ANO2: variants seen among roughly 807,000 people sequenced by gnomAD.
The protein encoded by ANO2 is anoctamin 2.
A neutral mutation model predicts 124.2 loss-of-function variants in ANO2; 101 were observed. The ratio of observed to expected loss-of-function variants is 0.81; its 90% CI spans 0.69 to 0.96. The LOEUF (loss-of-function observed/expected upper bound fraction) is 0.96, where lower values mean the gene tolerates loss of function less well. Ranked by LOEUF, ANO2 falls within the 40% of genes least tolerant of loss-of-function variation. The probability of loss-of-function intolerance (pLI) is 0.00; values close to 1 mark genes in which losing one functional copy is unlikely to be tolerated. For missense variants in ANO2, 1,293 were observed against 1,274.5 expected (o/e 1.01, Z -0.22); for synonymous variants, 486 against 482.5 (o/e 1.01, Z -0.09).
chr12:5,840,737 G>A (rs1038336854), intron 4 of ANO2, among the ~76,000 whole-genome samples: 1 of 152,200 alleles, frequency 6.6e-6, no homozygotes, highest in African/African-American at 2.4e-5. Context: ...AGAACAGAAC[G>A]TGTGCTGCAG....
intron 1 of ANO2, among the ~76,000 whole-genome samples, chr12:5,929,093 T>C (rs1435704088): frequency 1.4e-5 from 1 of 71,686 alleles, no homozygotes; most frequent in Non-Finnish European, 2.7e-5. Flanking sequence ...TTCTTACCAG[T>C]CTTCCTTCCT....
At chr12:5,719,208 C>A (rs746006832) in intron 14 of ANO2, among the ~76,000 whole-genome samples, 6 of 152,314 alleles carry the variant, frequency 3.9e-5, no homozygotes, top group Non-Finnish European at 8.8e-5. Flanking sequence ...GCCTTCACTT[C>A]TTTGCCTAAA....
At chr12:5,609,930 AAT>A (rs1322612518) in intron 19 of ANO2, among the ~76,000 whole-genome samples, 1 of 145,404 alleles carries the variant, frequency 6.9e-6, no homozygotes, top group East Asian at 2.0e-4. Flanking sequence ...ATCTATATGA[AAT>A]ATAGATATAT....
rs1457227570 is a variant in ANO2, at chr12:5,922,653, C to A, written c.174G>T (p.Gln58His). The A allele has an allele frequency of 3.3e-6, 5 of 1,531,818 alleles. No homozygotes were observed. Among genetic ancestry groups the A allele is most frequent in the Non-Finnish European group, 4.4e-6 (5 of 1,140,698 alleles). The allele number at this position is 1,531,818 out of a possible 1,614,324, so 94.9% of individuals were successfully genotyped here. A position where few individuals can be genotyped will look rare whatever the true frequency, so the allele number is the denominator to read the frequency against. The stretch of plus-strand genomic sequence containing the variant: ...TGCGGGTGCTCTCTCCACCGCAGGG[C>A]TGGCCAGGATCTCTGTTGGAACCGC... ...LQGGSNRDPG[Q>H]PCGGESTRSS... Residue 58 changes from glutamine (Q) to histidine (H), a missense_variant, in exon 2 of 25, where the codon CAG becomes CAT. Coordinates refer to ENST00000682330, the MANE Select transcript of ANO2 (RefSeq NM_001364791.2).
intron 4 of ANO2, among the ~76,000 whole-genome samples, chr12:5,841,374 TAGAC>T (rs1050822374): frequency 1.3e-5 from 2 of 152,224 alleles, no homozygotes; most frequent in Non-Finnish European, 2.9e-5. Flanking sequence ...ACACTGAGTG[TAGAC>T]AGACAGTGAT....
intron 4 of ANO2, among the ~76,000 whole-genome samples, chr12:5,846,698 G>C (rs1441433159): frequency 6.6e-6 from 1 of 152,110 alleles, no homozygotes; most frequent in African/African-American, 2.4e-5. Flanking sequence ...TCTTCACTTT[G>C]AGCCTGCATA....
chr12:5,876,859 G>C (rs1938137735), intron 3 of ANO2, among the ~76,000 whole-genome samples: 1 of 152,150 alleles, frequency 6.6e-6, no homozygotes, highest in Non-Finnish European at 1.5e-5. Context: ...GATAGCATTA[G>C]GAGAAATACC....
intron 20 of ANO2, among the ~76,000 whole-genome samples, chr12:5,582,147 A>C (rs1326807892): frequency 6.6e-6 from 1 of 152,230 alleles, no homozygotes; most frequent in Non-Finnish European, 1.5e-5. Context: ...CAACACCGGA[A>C]ATCCTCCGTG....
intron 14 of ANO2, among the ~76,000 whole-genome samples, chr12:5,716,082 G>A (rs1031708124): frequency 2.6e-5 from 4 of 152,120 alleles, no homozygotes; most frequent in Non-Finnish European, 5.9e-5. Context: ...GGTTATAGTG[G>A]TCTGCCTAGG....
chr12:5,648,510 A>G (rs1946756539), intron 14 of ANO2, among the ~76,000 whole-genome samples: 1 of 152,108 alleles, frequency 6.6e-6, no homozygotes, highest in Non-Finnish European at 1.5e-5. Context: ...TCCTGCGACA[A>G]TCGTTATCAG....
At position 5,658,054 on chromosome 12, in the gene ANO2, G is replaced by A. The variant is rs1181365843; in HGVS notation, c.1546-10253C>T. Among the ~76,000 whole-genome samples the A allele has an allele frequency of 1.3e-5, 2 of 150,336 alleles. No homozygotes were observed. The highest frequency in any genetic ancestry group is 3.0e-5 in the Non-Finnish European group (2 of 67,710). On this transcript the variant is annotated intron_variant, in intron 14 of 24. Coordinates refer to ENST00000682330, the MANE Select transcript of ANO2 (RefSeq NM_001364791.2). The surrounding 1 kb of genome is among the most constrained non-coding windows in gnomAD (Gnocchi z 4.3). ...GAGAAAAAATATTATTTGCTCATTTGTCTTTCTCTCCCTCTCCTCATCCCC... is the reference window on the plus strand; with the variant it reads ...GAGAAAAAATATTATTTGCTCATTTATCTTTCTCTCCCTCTCCTCATCCCC...
intron 3 of ANO2, among the ~76,000 whole-genome samples, chr12:5,920,223 T>C (rs1320996444): frequency 1.3e-5 from 2 of 152,142 alleles, no homozygotes; most frequent in African/African-American, 2.4e-5. Flanking sequence ...TGATAAAATA[T>C]GTCCTATGTA....
intron 23 of ANO2, among the ~76,000 whole-genome samples, chr12:5,569,181 T>C (rs551718291): frequency 6.6e-6 from 1 of 152,308 alleles, no homozygotes; most frequent in South Asian, 2.1e-4. Context: ...TCAGGACCTC[T>C]GTCCAGGTAA....
At chr12:5,937,035 A>G (rs1009529892) in intron 1 of ANO2, among the ~76,000 whole-genome samples, 8 of 152,208 alleles carry the variant, frequency 5.3e-5, no homozygotes, top group African/African-American at 1.9e-4. Context: ...CAGTGCAGAT[A>G]CCTTTACCAG....
intron 14 of ANO2, among the ~76,000 whole-genome samples, chr12:5,697,818 T>TGGCTCGGAGGGTCCCACGCCC (rs1319439967): frequency 3.9e-5 from 6 of 152,224 alleles, no homozygotes; most frequent in African/African-American, 1.4e-4. Context: ...ATCCCGCACC[T>TGGCTCGGAGGGTCCCACGCCC]GGCTCGGAGG....
At chr12:5,587,032 T>G (rs1416030352) in intron 20 of ANO2, among the ~76,000 whole-genome samples, 1 of 152,052 alleles carries the variant, frequency 6.6e-6, no homozygotes. Context: ...TCTGGAGAGT[T>G]TTCATGAAAG....
chr12:5,797,051 C>T (rs916675982), intron 10 of ANO2, among the ~76,000 whole-genome samples: 1 of 152,212 alleles, frequency 6.6e-6, no homozygotes, highest in Admixed American at 6.5e-5. Context: ...TTATCACGTT[C>T]CGCCTGTGCC....
chr12:5,887,355 G>C (rs1938995336), intron 3 of ANO2, among the ~76,000 whole-genome samples: 1 of 152,148 alleles, frequency 6.6e-6, no homozygotes, highest in Non-Finnish European at 1.5e-5. Context: ...ACCTAATACA[G>C]CAGCACCCTC....
At chr12:5,750,752 G>T (rs190544622) in intron 11 of ANO2, 84 bp downstream of exon 11, 1 of 1,376,586 alleles carries the variant, frequency 7.3e-7, no homozygotes. Flanking sequence ...TTGGAAAGAG[G>T]CATGTGAAAT....
Sources: allele counts gnomAD v4.1 joint callset (sites outside exome capture counted in the v4.1 genomes callset), GRCh38; gene constraint gnomAD v4.1.1; non-coding constraint Gnocchi (gnomAD v3.1); transcripts MANE v1.5; gene names NCBI Gene and HGNC (gene_info 2026-07-23, HGNC 2026-07-21).